The following LUZP2 variants were observed in gnomAD, a reference collection of about 807,000 sequenced individuals.
LUZP2 encodes leucine zipper protein 2.
In LUZP2, 52 loss-of-function variants were observed where a neutral mutation model predicts 51.6. The ratio of observed to expected loss-of-function variants is 1.01; its 90% confidence interval spans 0.81 to 1.27. LUZP2 has a LOEUF of 1.27. Among genes scored for constraint, LUZP2 ranks in the 50% most tolerant of loss-of-function variants. The pLI is 0.00. For missense variants in LUZP2, 436 were observed against 395.4 expected (o/e 1.10, Z -0.87); for synonymous variants, 154 against 137.3 (o/e 1.12, Z -0.85).
chr11:24,669,247 T>C (rs1164463036), intron 1 of LUZP2, among the ~76,000 whole-genome samples: 1 of 152,144 alleles, frequency 6.6e-6, no homozygotes, highest in African/African-American at 2.4e-5. Flanking sequence ...AATGAGCAGT[T>C]TGTTCCTTAC....
At position 24,760,982 on chromosome 11, in the gene LUZP2, C is replaced by T. The variant is rs547549173; in HGVS notation, c.334-2264C>T. On this transcript the variant is annotated intron_variant, in intron 4 of 11. Coordinates refer to ENST00000336930, the MANE Select transcript of LUZP2 (RefSeq NM_001009909.4). ...TCAGCTGAGAACTAGCCAGTTTTCT[C>T]TAGAGGTTCCCAGTTCAAATCTCCC... Among the ~76,000 whole-genome samples the T allele has an allele frequency of 3.3e-5, 5 of 152,258 alleles. No individual in the cohort carries two copies. In the South Asian group the frequency reaches 6.2e-4, roughly 19 times the overall value.
In LUZP2 at chr11:24,598,645, C is replaced by T. The variant is rs779775501; in HGVS notation, c.62+101340C>T. 7.2e-5 allele frequency among the ~76,000 whole-genome samples: 11 copies of T among 151,840 alleles called. No homozygotes were observed. The East Asian group carries it at 9.7e-4, about 13-fold the overall frequency. On this transcript the variant is annotated intron_variant, in intron 1 of 11. Transcript: ENST00000336930. ...CCCTGAAAATAAGCTAATCATATCC[C>T]GAGAAAAGAGATATTATTAATAAAG...
At chr11:25,071,761 A>T (rs1192282359) in intron 10 of LUZP2, among the ~76,000 whole-genome samples, 2 of 152,008 alleles carry the variant, frequency 1.3e-5, no homozygotes, top group African/African-American at 4.8e-5. Flanking sequence ...TGGCACATGT[A>T]TACATATGTA....
intron 5 of LUZP2, among the ~76,000 whole-genome samples, chr11:24,877,906 G>A (rs990689319): frequency 1.3e-5 from 2 of 151,820 alleles, no homozygotes; most frequent in African/African-American, 2.4e-5. Flanking sequence ...AGTGACTTCC[G>A]GTACCATCCA....
intron 6 of LUZP2, among the ~76,000 whole-genome samples, chr11:24,910,618 G>A (rs1315643870): frequency 1.3e-5 from 2 of 152,230 alleles, no homozygotes; most frequent in African/African-American, 4.8e-5. Context: ...GCACACAGAA[G>A]TCAAGAATTG....
At chr11:24,919,947 A>T (rs960453329) in intron 7 of LUZP2, among the ~76,000 whole-genome samples, 1 of 151,760 alleles carries the variant, frequency 6.6e-6, no homozygotes, top group Non-Finnish European at 1.5e-5. Context: ...GTTAGCTAAG[A>T]AATTTTATGA....
chr11:24,722,155 A>G (rs1180150265), intron 1 of LUZP2, among the ~76,000 whole-genome samples: 1 of 152,248 alleles, frequency 6.6e-6, no homozygotes, highest in Non-Finnish European at 1.5e-5. Flanking sequence ...CTTCCAGAAA[A>G]TATAGTAAGC....
chr11:24,972,323 A>G (rs985874768), intron 7 of LUZP2, among the ~76,000 whole-genome samples: 26 of 152,038 alleles, frequency 1.7e-4, no homozygotes, highest in Admixed American at 1.3e-4. Context: ...TCATATAGTC[A>G]TATATTACTA....
intron 5 of LUZP2, among the ~76,000 whole-genome samples, chr11:24,800,709 A>G (rs1849672609): frequency 6.6e-6 from 1 of 152,044 alleles, no homozygotes; most frequent in African/African-American, 2.4e-5. Flanking sequence ...CTGGAACTTT[A>G]TTTAAAACAC....
At chr11:24,887,260 A>G (rs563730897) in intron 5 of LUZP2, among the ~76,000 whole-genome samples, 16 of 152,166 alleles carry the variant, frequency 1.1e-4, no homozygotes, top group Non-Finnish European at 1.8e-4. Context: ...ACCAAAGCAT[A>G]AACAATTCAA....
chr11:24,551,406 T>G (rs1019743584), intron 1 of LUZP2, among the ~76,000 whole-genome samples: 3 of 151,974 alleles, frequency 2.0e-5, no homozygotes, highest in Non-Finnish European at 4.4e-5. Context: ...GAATATAAAA[T>G]GATGATTTGT....
chr11:24,515,854 G>A (rs1850447932), intron 1 of LUZP2, among the ~76,000 whole-genome samples: 1 of 152,134 alleles, frequency 6.6e-6, no homozygotes, highest in African/African-American at 2.4e-5. Context: ...AGCTCCCCTA[G>A]GGACTGGGTA....
chr11:24,862,677 T>C (rs988374755), intron 5 of LUZP2, among the ~76,000 whole-genome samples: 3 of 152,104 alleles, frequency 2.0e-5, no homozygotes, highest in African/African-American at 7.2e-5. Context: ...CTCAAAATTA[T>C]GGGATGGAGG....
chr11:24,926,720 T>G (rs1854285545), intron 7 of LUZP2, among the ~76,000 whole-genome samples: 3 of 150,800 alleles, frequency 2.0e-5, no homozygotes, highest in Non-Finnish European at 4.4e-5. Context: ...GTATCTTTTT[T>G]GCATAATGAC....
At chr11:24,657,925 G>A (rs1274617095) in intron 1 of LUZP2, among the ~76,000 whole-genome samples, 1 of 152,076 alleles carries the variant, frequency 6.6e-6, no homozygotes, top group Non-Finnish European at 1.5e-5. Context: ...AAATAAAAGA[G>A]GACACAAACA....
intron 7 of LUZP2, among the ~76,000 whole-genome samples, chr11:24,950,050 A>G (rs901736415): frequency 3.4e-5 from 5 of 147,398 alleles, no homozygotes; most frequent in African/African-American, 1.2e-4. Flanking sequence ...GATACCCATG[A>G]TGGATGGGTA....
intron 1 of LUZP2, among the ~76,000 whole-genome samples, chr11:24,505,202 T>G (rs2133760616): frequency 6.6e-6 from 1 of 152,238 alleles, no homozygotes; most frequent in East Asian, 1.9e-4. Flanking sequence ...GTTATGATGG[T>G]TTCTGACCTT....
chr11:24,872,627 C>T (rs1211716708), intron 5 of LUZP2, among the ~76,000 whole-genome samples: 1 of 152,110 alleles, frequency 6.6e-6, no homozygotes, highest in African/African-American at 2.4e-5. Flanking sequence ...AGTAGAAGCA[C>T]TTATGGATTT....
At chr11:25,054,132 C>T (rs553782797) in intron 10 of LUZP2, among the ~76,000 whole-genome samples, 15 of 152,278 alleles carry the variant, frequency 9.9e-5, no homozygotes, top group Admixed American at 6.5e-4. Context: ...TCTGTATTCA[C>T]GGTCTCACCA....
Sources: allele counts gnomAD v4.1 joint callset (sites outside exome capture counted in the v4.1 genomes callset), GRCh38; gene constraint gnomAD v4.1.1; transcripts MANE v1.5; gene names NCBI Gene and HGNC (gene_info 2026-07-23, HGNC 2026-07-21).